ATP2C2: variants seen among roughly 807,000 people sequenced by gnomAD.
ATP2C2 encodes calcium-transporting ATPase type 2C member 2.
In ATP2C2, 171 loss-of-function variants were observed where a neutral mutation model predicts 110.8. That is an observed-to-expected ratio of 1.54 (90% CI 1.36 to 1.75). ATP2C2 has a LOEUF of 1.75. Ranked by LOEUF, ATP2C2 falls within the 40% of genes most tolerant of loss-of-function variation. ATP2C2 has a pLI of 0.00. For synonymous variants in ATP2C2, 804 were observed against 508.4 expected (o/e 1.58, Z -7.82); for missense variants, 1,963 against 1,235.0 (o/e 1.59, Z -8.84).
At chr16:84,419,600 G>A (rs1907147031) in intron 7 of ATP2C2, among the ~76,000 whole-genome samples, 1 of 151,628 alleles carries the variant, frequency 6.6e-6, no homozygotes, top group Non-Finnish European at 1.5e-5. Flanking sequence ...ACGTTACTCA[G>A]CAGGCCACAC....
chr16:84,398,189 G>A (rs1235660850), intron 1 of ATP2C2, among the ~76,000 whole-genome samples: 1 of 152,002 alleles, frequency 6.6e-6, no homozygotes, highest in Non-Finnish European at 1.5e-5. Context: ...ATCACCTGAG[G>A]TCAGGAGTTT....
chr16:84,380,320 A>G (rs16963542), intron 1 of ATP2C2, among the ~76,000 whole-genome samples: 21,066 of 152,202 alleles, frequency 0.14, 1,611 homozygotes, highest in East Asian at 0.29. Context: ...CTGTTTATCT[A>G]CTATCTTGTG....
At chr16:84,379,461 T>C (rs1040425639) in intron 1 of ATP2C2, among the ~76,000 whole-genome samples, 1 of 152,222 alleles carries the variant, frequency 6.6e-6, no homozygotes, top group East Asian at 1.9e-4. Flanking sequence ...CCACTGTGCC[T>C]GGCTGATCCT....
At chr16:84,450,810 C>G (rs1910189421) in intron 17 of ATP2C2, among the ~76,000 whole-genome samples, 3 of 152,036 alleles carry the variant, frequency 2.0e-5, no homozygotes, top group East Asian at 3.9e-4. Context: ...GGGTTGCTCC[C>G]CTGTCAATTT....
intron 3 of ATP2C2, chr16:84,406,666 G>T (rs1488461196): frequency 1.0e-6 from 1 of 984,562 alleles, no homozygotes; most frequent in Non-Finnish European, 1.2e-6. Context: ...AGGTGGTTCT[G>T]GCTAGCCCAG....
At chr16:84,451,889 G>A in intron 17 of ATP2C2, 32 bp from the exon 18 acceptor site, 1 of 1,589,756 alleles carries the variant, frequency 6.3e-7, no homozygotes, top group Non-Finnish European at 8.5e-7. Context: ...TAAGCCCCCG[G>A]TGACCCCTCC....
intron 1 of ATP2C2, among the ~76,000 whole-genome samples, chr16:84,380,838 C>A (rs1231059257): frequency 1.3e-5 from 2 of 152,194 alleles, no homozygotes; most frequent in East Asian, 3.8e-4. Flanking sequence ...AGCACCTGAT[C>A]ATGGTGATTT....
intron 11 of ATP2C2, among the ~76,000 whole-genome samples, chr16:84,427,610 G>C (rs367640089): frequency 2.0e-5 from 3 of 152,054 alleles, no homozygotes; most frequent in Admixed American, 6.5e-5. Context: ...CCAGCTACTC[G>C]GGAGGCTGAG....
At chr16:84,380,998 G>T (rs1489255524) in intron 1 of ATP2C2, among the ~76,000 whole-genome samples, 1 of 152,214 alleles carries the variant, frequency 6.6e-6, no homozygotes, top group Middle Eastern at 3.2e-3. Flanking sequence ...GGCCAACGTA[G>T]TGAATTTCAT....
chr16:84,460,270 T>C (rs754001232), intron 23 of ATP2C2: 99 of 298,198 alleles, frequency 3.3e-4, no homozygotes, highest in Non-Finnish European at 5.4e-4. Flanking sequence ...TGGAGTTGGC[T>C]GGAGGCTGGT....
intron 6 of ATP2C2, among the ~76,000 whole-genome samples, chr16:84,411,700 C>G (rs35702611): frequency 1.4e-4 from 21 of 152,056 alleles, no homozygotes; most frequent in African/African-American, 4.8e-4. Context: ...CCTCAGCCTC[C>G]TAAAGTAGTG....
At chr16:84,451,778 C>T (rs1264263829) in intron 17 of ATP2C2, 143 bp from the exon 18 acceptor site, 6 of 802,702 alleles carry the variant, frequency 7.5e-6, no homozygotes, top group African/African-American at 3.4e-5. Context: ...GCAGAGGCTG[C>T]AGTGAGCCAA....
intron 1 of ATP2C2, 147 bp downstream of exon 1, chr16:84,368,861 G>A (rs76078535): frequency 0.1 from 71,007 of 700,062 alleles, 4,316 homozygotes; most frequent in South Asian, 0.14. Context: ...TGTCCTCACA[G>A]CAACCGCGCT....
At chr16:84,395,035 T>G (rs1377658858) in intron 1 of ATP2C2, among the ~76,000 whole-genome samples, 1 of 152,112 alleles carries the variant, frequency 6.6e-6, no homozygotes, top group Non-Finnish European at 1.5e-5. Context: ...GGACCACATT[T>G]TGCTTCTCCA....
At chr16:84,378,021 C>G (rs1286196853) in intron 1 of ATP2C2, among the ~76,000 whole-genome samples, 3 of 152,140 alleles carry the variant, frequency 2.0e-5, no homozygotes, top group Non-Finnish European at 4.4e-5. Flanking sequence ...GTTTGGCCCA[C>G]CTTGAAACTC....
At chr16:84,418,234 C>T (rs572215638) in intron 7 of ATP2C2, among the ~76,000 whole-genome samples, 6 of 152,292 alleles carry the variant, frequency 3.9e-5, no homozygotes, top group Admixed American at 1.3e-4. Context: ...GGTGAGCCCG[C>T]GATTGTGCCT....
At chr16:84,385,857 C>T (rs72804670) in intron 1 of ATP2C2, among the ~76,000 whole-genome samples, 207 of 152,294 alleles carry the variant, frequency 1.4e-3, no homozygotes, top group Admixed American at 2.9e-3. Flanking sequence ...CCCCAACATG[C>T]GGGGATTACA....
chr16:84,443,966 A>C (rs1022370727), intron 15 of ATP2C2, among the ~76,000 whole-genome samples: 7 of 152,172 alleles, frequency 4.6e-5, no homozygotes, highest in African/African-American at 1.7e-4. Flanking sequence ...CAAGAGTTTG[A>C]GACCAGCCTG....
At chr16:84,447,905 ATTATATTATC>A (rs1485927651) in intron 16 of ATP2C2, among the ~76,000 whole-genome samples, 12 of 10,254 alleles carry the variant, frequency 1.2e-3, no homozygotes, top group East Asian at 3.9e-3. Context: ...TATAATTAAT[ATTATATTATC>A]TTATAACAGT....
Sources: allele counts gnomAD v4.1 joint callset (sites outside exome capture counted in the v4.1 genomes callset), GRCh38; gene constraint gnomAD v4.1.1; transcripts MANE v1.5; gene names NCBI Gene and HGNC (gene_info 2026-07-23, HGNC 2026-07-21).